The following CTNNA3 variants were observed in gnomAD, a reference collection of about 807,000 sequenced individuals.
The protein encoded by CTNNA3 is catenin alpha 3.
Under a neutral mutation model 95.7 loss-of-function variants are expected in CTNNA3, and 76 were observed. The ratio of observed to expected loss-of-function variants is 0.79; its 90% CI spans 0.66 to 0.96. The LOEUF is 0.96. CTNNA3 is among the 40% of genes least tolerant of loss of function. The pLI is 0.00. For missense variants in CTNNA3, 1,191 were observed against 1,089.8 expected (o/e 1.09, Z -1.31); for synonymous variants, 431 against 374.4 (o/e 1.15, Z -1.74).
chr10:66,757,296 G>T, intron 9 of CTNNA3, among the ~76,000 whole-genome samples: 1 of 152,100 alleles, frequency 6.6e-6, no homozygotes, highest in Non-Finnish European at 1.5e-5. Flanking sequence ...ATGCATTTTA[G>T]ATTAGGAAGA....
intron 7 of CTNNA3, among the ~76,000 whole-genome samples, chr10:67,017,469 A>T (rs1290624754): frequency 6.6e-6 from 1 of 152,180 alleles, no homozygotes; most frequent in Non-Finnish European, 1.5e-5. Context: ...TTAGTCCTCC[A>T]CATACCATGC....
chr10:67,555,889 G>T (rs961945372), intron 3 of CTNNA3, among the ~76,000 whole-genome samples: 1 of 152,114 alleles, frequency 6.6e-6, no homozygotes, highest in Non-Finnish European at 1.5e-5. Context: ...TTGGCTGTGG[G>T]TTTTCATACA....
chr10:67,514,445 C>A (rs1160651736), intron 5 of CTNNA3, among the ~76,000 whole-genome samples: 1 of 152,124 alleles, frequency 6.6e-6, no homozygotes, highest in Non-Finnish European at 1.5e-5. Flanking sequence ...TGAAAGATTA[C>A]CTTCTTTTCA....
intron 5 of CTNNA3, among the ~76,000 whole-genome samples, chr10:67,458,590 G>T (rs1344334774): frequency 1.3e-5 from 2 of 152,040 alleles, no homozygotes; most frequent in Admixed American, 1.3e-4. Flanking sequence ...TCTTCTAGAA[G>T]AGGACAGGCC....
chr10:66,718,602 A>T (rs1848528799), intron 9 of CTNNA3, among the ~76,000 whole-genome samples: 1 of 149,980 alleles, frequency 6.7e-6, no homozygotes, highest in Non-Finnish European at 1.5e-5. Context: ...ATAAATTTAT[A>T]ATAAAACTGT....
At chr10:66,472,446 C>T (rs1036951038) in intron 11 of CTNNA3, among the ~76,000 whole-genome samples, 1 of 151,872 alleles carries the variant, frequency 6.6e-6, no homozygotes, top group Non-Finnish European at 1.5e-5. Context: ...AATGAGAAAA[C>T]AAAGGTTAAA....
chr10:67,757,534 A>T (rs1309983277), intron 1 of CTNNA3, among the ~76,000 whole-genome samples: 1 of 152,200 alleles, frequency 6.6e-6, no homozygotes, highest in African/African-American at 2.4e-5. Flanking sequence ...AAGCAGGCAG[A>T]AGTTGGAAAG....
intron 7 of CTNNA3, among the ~76,000 whole-genome samples, chr10:66,944,180 C>T (rs1037016178): frequency 6.6e-6 from 1 of 152,150 alleles, no homozygotes; most frequent in Non-Finnish European, 1.5e-5. Flanking sequence ...TCAAACTCTG[C>T]CACTGCTTCA....
At chr10:66,968,525 A>C (rs1849555489) in intron 7 of CTNNA3, among the ~76,000 whole-genome samples, 1 of 151,924 alleles carries the variant, frequency 6.6e-6, no homozygotes, top group Non-Finnish European at 1.5e-5. Context: ...CATATCTAAA[A>C]AAACGTGGTT....
chr10:67,209,622 CCAAA>C (rs200089635), intron 6 of CTNNA3, among the ~76,000 whole-genome samples: 1,616 of 151,982 alleles, frequency 0.011, 36 homozygotes, highest in African/African-American at 0.037. Flanking sequence ...CAAAAAAATT[CCAAA>C]CATTTTCCAA....
At chr10:67,296,765 C>A (rs981052408) in intron 5 of CTNNA3, among the ~76,000 whole-genome samples, 1 of 151,764 alleles carries the variant, frequency 6.6e-6, no homozygotes, top group Admixed American at 6.6e-5. Context: ...GAAACCCCGT[C>A]TTTACTAAAA....
At chr10:66,649,407 G>C (rs1391439396) in intron 9 of CTNNA3, among the ~76,000 whole-genome samples, 3 of 152,052 alleles carry the variant, frequency 2.0e-5, no homozygotes, top group African/African-American at 7.2e-5. Context: ...AAATAAGAAA[G>C]ACACACTGAT....
At chr10:66,816,955 A>G (rs958669811) in intron 7 of CTNNA3, among the ~76,000 whole-genome samples, 1 of 152,094 alleles carries the variant, frequency 6.6e-6, no homozygotes, top group African/African-American at 2.4e-5. Context: ...AAGAGACATT[A>G]GAAAATATTT....
intron 7 of CTNNA3, chr10:66,926,462 A>ATTT: frequency 1.7e-6 from 2 of 1,162,734 alleles, no homozygotes; most frequent in East Asian, 4.7e-5. Flanking sequence ...AAGGGGTCCA[A>ATTT]TTTTTCTTCC....
intron 13 of CTNNA3, among the ~76,000 whole-genome samples, chr10:66,276,526 C>G (rs989122153): frequency 1.3e-5 from 2 of 152,020 alleles, no homozygotes; most frequent in Admixed American, 1.3e-4. Context: ...AAATTATGTG[C>G]AGAATTATAA....
intron 7 of CTNNA3, among the ~76,000 whole-genome samples, chr10:67,040,607 T>C (rs1224280881): frequency 1.3e-5 from 2 of 152,044 alleles, no homozygotes; most frequent in Middle Eastern, 3.2e-3. Context: ...TTAGAGAAAA[T>C]ATGTGTCTAT....
At chr10:66,913,885 G>A (rs928717815) in intron 7 of CTNNA3, among the ~76,000 whole-genome samples, 3 of 152,136 alleles carry the variant, frequency 2.0e-5, no homozygotes, top group East Asian at 3.9e-4. Context: ...AGTGAGACTT[G>A]GGACTGACAA....
chr10:67,488,672 CTT>C (rs565227051), intron 5 of CTNNA3, among the ~76,000 whole-genome samples: 28 of 130,672 alleles, frequency 2.1e-4, no homozygotes, highest in Non-Finnish European at 3.0e-4. Context: ...TGCCCGGCCT[CTT>C]TTTTTTTTTT....
At chr10:65,935,240 T>A (rs143466068) in intron 17 of CTNNA3, among the ~76,000 whole-genome samples, 3 of 152,174 alleles carry the variant, frequency 2.0e-5, no homozygotes, top group Non-Finnish European at 4.4e-5. Context: ...GAATAAAGAA[T>A]TTGTTTTGCA....
Sources: allele counts gnomAD v4.1 joint callset (sites outside exome capture counted in the v4.1 genomes callset), GRCh38; gene constraint gnomAD v4.1.1; transcripts MANE v1.5; gene names NCBI Gene and HGNC (gene_info 2026-07-23, HGNC 2026-07-21).